UNC13C: variants seen among roughly 807,000 people sequenced by gnomAD.
UNC13C encodes the protein unc-13 homolog C.
A neutral mutation model predicts 245.4 loss-of-function variants in UNC13C; 174 were observed. The observed-to-expected ratio is 0.71, with a 90% confidence interval of 0.63 to 0.80. The LOEUF (loss-of-function observed/expected upper bound fraction) is 0.80. Ranked by LOEUF, UNC13C falls within the 30% of genes least tolerant of loss-of-function variation. The probability of loss-of-function intolerance (pLI) is 0.00; values close to 1 mark genes in which losing one functional copy is unlikely to be tolerated. For missense variants in UNC13C, 2,829 were observed against 2,602.9 expected (o/e 1.09, Z -1.89); for synonymous variants, 992 against 895.1 (o/e 1.11, Z -1.93).
At chr15:54,053,531 A>G (rs1897363390) in intron 2 of UNC13C, among the ~76,000 whole-genome samples, 1 of 152,140 alleles carries the variant, frequency 6.6e-6, no homozygotes, top group Admixed American at 6.6e-5. Flanking sequence ...ACATATATTT[A>G]TGGGGTACAT....
intron 19 of UNC13C, 43 bp from the exon 20 acceptor site, chr15:54,494,565 G>T (rs1027626989): frequency 1.3e-6 from 2 of 1,491,208 alleles, no homozygotes; most frequent in South Asian, 1.4e-5. Flanking sequence ...CAGCATTGTT[G>T]GCAAACCAAG....
chr15:54,064,543 T>A (rs1411651495), intron 2 of UNC13C, among the ~76,000 whole-genome samples: 1 of 152,194 alleles, frequency 6.6e-6, no homozygotes, highest in Non-Finnish European at 1.5e-5. Context: ...GTGTAGCTGA[T>A]TTCCCAAGAG....
chr15:54,125,398 G>T (rs955179078), intron 2 of UNC13C, among the ~76,000 whole-genome samples: 2 of 152,184 alleles, frequency 1.3e-5, no homozygotes, highest in African/African-American at 4.8e-5. Flanking sequence ...GGGAGACGGA[G>T]GTTGCGGTGA....
At chr15:54,057,143 C>T (rs554043178) in intron 2 of UNC13C, among the ~76,000 whole-genome samples, 1 of 152,248 alleles carries the variant, frequency 6.6e-6, no homozygotes, top group South Asian at 2.1e-4. Context: ...GCTAAATGCT[C>T]CAATTCAAAG....
chr15:54,190,546 A>G (rs1461079103), intron 4 of UNC13C, among the ~76,000 whole-genome samples: 2 of 151,990 alleles, frequency 1.3e-5, no homozygotes, highest in Non-Finnish European at 1.5e-5. Flanking sequence ...TTCAGTTTTT[A>G]ACATAACATA....
At chr15:54,457,932 G>C (rs1205759524) in intron 19 of UNC13C, among the ~76,000 whole-genome samples, 2 of 101,928 alleles carry the variant, frequency 2.0e-5, no homozygotes, top group Non-Finnish European at 3.9e-5. Flanking sequence ...TACTGGATTT[G>C]GGTTTAGTTC....
chr15:54,242,346 C>T (rs1313679171), intron 7 of UNC13C, among the ~76,000 whole-genome samples: 2 of 151,900 alleles, frequency 1.3e-5, no homozygotes, highest in Non-Finnish European at 2.9e-5. Flanking sequence ...GTTCCCTAAG[C>T]ATTCATTCTT....
chr15:54,133,671 C>T (rs80082699), intron 2 of UNC13C, among the ~76,000 whole-genome samples: 3,055 of 152,142 alleles, frequency 0.02, 95 homozygotes, highest in African/African-American at 0.071. Flanking sequence ...TAATTACAGA[C>T]ATTTTACCAC....
intron 19 of UNC13C, among the ~76,000 whole-genome samples, chr15:54,442,108 C>T (rs1008902852): frequency 6.6e-6 from 1 of 151,910 alleles, no homozygotes; most frequent in African/African-American, 2.4e-5. Context: ...ATAATGTCTT[C>T]CACAAAGAGA....
At chr15:53,965,857 A>G in the UNC13C span, among the ~76,000 whole-genome samples, 10 of 151,986 alleles carry the variant, frequency 6.6e-5, no homozygotes, top group African/African-American at 2.2e-4. Flanking sequence ...GAGAATGATG[A>G]TTTCCAATTT....
At chr15:54,407,697 C>A (rs2040325682) in intron 18 of UNC13C, among the ~76,000 whole-genome samples, 1 of 151,738 alleles carries the variant, frequency 6.6e-6, no homozygotes, top group African/African-American at 2.4e-5. Flanking sequence ...GACCTCAGAC[C>A]CCAAATATTG....
intron 2 of UNC13C, among the ~76,000 whole-genome samples, chr15:54,134,218 C>T (rs1380731405): frequency 6.6e-6 from 1 of 151,732 alleles, no homozygotes; most frequent in Non-Finnish European, 1.5e-5. Context: ...AAAACTATTT[C>T]CCCCACCCCC....
intron 1 of UNC13C, among the ~76,000 whole-genome samples, chr15:54,011,694 C>G (rs1895387111): frequency 1.3e-5 from 2 of 152,114 alleles, no homozygotes; most frequent in African/African-American, 4.8e-5. Context: ...ATTTGAAACC[C>G]AGAAAGACTT....
the UNC13C span, among the ~76,000 whole-genome samples, chr15:53,907,014 C>T: frequency 6.6e-6 from 1 of 152,124 alleles, no homozygotes; most frequent in African/African-American, 2.4e-5. Flanking sequence ...GGGAGTATAG[C>T]ATGAGGATTA....
the UNC13C span, among the ~76,000 whole-genome samples, chr15:53,920,613 C>T: frequency 6.6e-6 from 1 of 151,930 alleles, no homozygotes; most frequent in Admixed American, 6.6e-5. Flanking sequence ...TTATTTTATT[C>T]TCATAAAACA....
At chr15:54,030,805 A>C (rs944870302) in intron 2 of UNC13C, among the ~76,000 whole-genome samples, 1 of 152,208 alleles carries the variant, frequency 6.6e-6, no homozygotes, top group Non-Finnish European at 1.5e-5. Context: ...CAGGTGGCAG[A>C]AGGAGGAAGT....
At chr15:54,578,064 A>C (rs979062538) in intron 30 of UNC13C, among the ~76,000 whole-genome samples, 10 of 152,202 alleles carry the variant, frequency 6.6e-5, no homozygotes, top group Admixed American at 6.5e-4. Context: ...CCCGAATCCC[A>C]CTTTCTCAGA....
rs28702959 is a variant in UNC13C at position 53,978,635 on chromosome 15, T to A, written c.-549T>A. Among the ~76,000 whole-genome samples, 1,549 of 152,120 alleles carry A rather than the reference T, an allele frequency of 0.01. 30 individuals are homozygous for A. Among genetic ancestry groups the A allele is most frequent in the African/African-American group, 0.036 (1,499 of 41,492 alleles). ...GGCAATGAGAAGAGTGAAAGGCAGT[T>A]TCTTGCCAGCAGCTAAGTTGTAGAA... is the stretch of plus-strand genomic sequence containing the variant. On this transcript the variant is annotated 5_prime_UTR_variant, in exon 1 of 33. Coordinates refer to ENST00000260323, the MANE Select transcript of UNC13C (RefSeq NM_001080534.3).
intron 19 of UNC13C, among the ~76,000 whole-genome samples, chr15:54,430,232 C>A (rs892822517): frequency 6.6e-6 from 1 of 151,544 alleles, no homozygotes; most frequent in Non-Finnish European, 1.5e-5. Flanking sequence ...AATTTTTGTA[C>A]CACTTACGGT....
Sources: allele counts gnomAD v4.1 joint callset (sites outside exome capture counted in the v4.1 genomes callset), GRCh38; gene constraint gnomAD v4.1.1; transcripts MANE v1.5; gene names NCBI Gene and HGNC (gene_info 2026-07-23, HGNC 2026-07-21).